TAFA2: variants seen among roughly 807,000 people sequenced by gnomAD.
The protein encoded by TAFA2 is chemokine-like protein TAFA-2.
TAFA2 carries 7 observed loss-of-function variants against 18.8 expected under a neutral mutation model. The ratio of observed to expected loss-of-function variants is 0.37; its 90% confidence interval spans 0.21 to 0.70. TAFA2 has a LOEUF of 0.70. Ranked by LOEUF, TAFA2 falls within the 30% of genes least tolerant of loss-of-function variation. The pLI, the probability that TAFA2 is intolerant of heterozygous loss-of-function variation, is 0.53. For synonymous variants in TAFA2, 60 were observed against 54.2 expected (o/e 1.11, Z -0.47); for missense variants, 122 against 158.1 (o/e 0.77, Z 1.23).
At chr12:62,086,012 C>T (rs560177825) in intron 1 of TAFA2, among the ~76,000 whole-genome samples, 52 of 152,216 alleles carry the variant, frequency 3.4e-4, no homozygotes, top group African/African-American at 1.3e-3. Context: ...TTTCCCTTCT[C>T]CTTCTGCCAT....
intron 1 of TAFA2, among the ~76,000 whole-genome samples, chr12:62,042,778 C>T (rs934487900): frequency 6.6e-6 from 1 of 152,030 alleles, no homozygotes; most frequent in Non-Finnish European, 1.5e-5. Flanking sequence ...CTCATTCCAG[C>T]GGGGTCGCCT....
At chr12:61,923,881 A>C (rs1877164750) in intron 1 of TAFA2, among the ~76,000 whole-genome samples, 1 of 151,868 alleles carries the variant, frequency 6.6e-6, no homozygotes, top group South Asian at 2.1e-4. Flanking sequence ...TAAGCAATTT[A>C]GAGAACATAG....
At chr12:62,096,162 G>T (rs1012469274) in intron 1 of TAFA2, among the ~76,000 whole-genome samples, 2 of 152,042 alleles carry the variant, frequency 1.3e-5, no homozygotes, top group African/African-American at 4.8e-5. Context: ...GGTCTTATCT[G>T]CGTTTGGACT....
intron 1 of TAFA2, among the ~76,000 whole-genome samples, chr12:61,906,387 G>C (rs1381170028): frequency 1.3e-5 from 2 of 152,172 alleles, no homozygotes; most frequent in Non-Finnish European, 2.9e-5. Flanking sequence ...CAATTCCTCT[G>C]CATATGCTCT....
chr12:62,197,417 GC>G (rs2062653522), upstream of TAFA2, among the ~76,000 whole-genome samples: 1 of 152,032 alleles, frequency 6.6e-6, no homozygotes, highest in Non-Finnish European at 1.5e-5. Context: ...TGCACTTCAG[GC>G]TTTTTCTTTT....
chr12:61,920,571 T>C (rs959377828), intron 1 of TAFA2, among the ~76,000 whole-genome samples: 1 of 152,210 alleles, frequency 6.6e-6, no homozygotes, highest in Non-Finnish European at 1.5e-5. Flanking sequence ...AATGTATTGT[T>C]CCTTGTTACG....
intron 1 of TAFA2, among the ~76,000 whole-genome samples, chr12:61,992,498 G>T (rs1880045402): frequency 6.6e-6 from 1 of 151,960 alleles, no homozygotes; most frequent in African/African-American, 2.4e-5. Flanking sequence ...CCCTGCTTCT[G>T]CCCTGCTTTC....
chr12:62,160,844 T>C (rs532111986), intron 1 of TAFA2, among the ~76,000 whole-genome samples: 2 of 152,304 alleles, frequency 1.3e-5, no homozygotes, highest in East Asian at 3.9e-4. Flanking sequence ...TGCCCTGCGA[T>C]GGTCTGGTAT....
At chr12:62,235,412 A>G in intron 1 of TAFA2, 2 of 650,342 alleles carry the variant, frequency 3.1e-6, no homozygotes, top group South Asian at 3.7e-5. Context: ...CATGTTCAAG[A>G]TGGGTGCTGA....
intron 1 of TAFA2, chr12:62,253,815 T>C (rs1209424045): frequency 6.6e-6 from 1 of 152,248 alleles, no homozygotes; most frequent in Non-Finnish European, 1.5e-5. Context: ...TCACAAGTTC[T>C]GGTATTACGA....
At chr12:61,799,653 T>C (rs1364575862) in intron 2 of TAFA2, among the ~76,000 whole-genome samples, 1 of 152,046 alleles carries the variant, frequency 6.6e-6, no homozygotes, top group Non-Finnish European at 1.5e-5. Context: ...AAACCTCGTC[T>C]CTACTAAAAA....
intron 2 of TAFA2, among the ~76,000 whole-genome samples, chr12:61,829,846 G>T (rs996471620): frequency 1.3e-5 from 2 of 151,560 alleles, no homozygotes; most frequent in Non-Finnish European, 3.0e-5. Flanking sequence ...AGAACACAAA[G>T]TACAAAAAGA....
chr12:61,794,000 T>G (rs908886909), intron 2 of TAFA2, among the ~76,000 whole-genome samples: 8 of 151,936 alleles, frequency 5.3e-5, no homozygotes, highest in Non-Finnish European at 1.0e-4. Flanking sequence ...CAATATCTAT[T>G]CATGACTCTA....
intron 2 of TAFA2, among the ~76,000 whole-genome samples, chr12:61,842,034 ATTACTCTAT>A (rs1873207158): frequency 6.6e-6 from 1 of 151,944 alleles, no homozygotes; most frequent in Non-Finnish European, 1.5e-5. Flanking sequence ...TCAGAAAAAT[ATTACTCTAT>A]AAGAAAAATA....
At position 61,826,023 on chromosome 12, in the gene TAFA2, A is replaced by G. The variant is rs564336468; in HGVS notation, c.106+41297T>C. ...TATCCTTTGAGCAATTTTCTGACAT[A>G]CTTTCCATTTCTTAATACAGTACCC... is the stretch of plus-strand genomic sequence containing the variant. On this transcript the variant is annotated intron_variant, in intron 2 of 4. Transcript: ENST00000416284. 4.6e-5 allele frequency among the ~76,000 whole-genome samples: 7 copies of G among 152,246 alleles called. No individual in the cohort carries two copies. The East Asian group carries it at 1.4e-3, about 29-fold the overall frequency.
intron 1 of TAFA2, among the ~76,000 whole-genome samples, chr12:62,000,867 A>G (rs1449470211): frequency 6.6e-6 from 1 of 152,254 alleles, no homozygotes; most frequent in Admixed American, 6.5e-5. Context: ...CAAAGCAGGT[A>G]GGATGGATCT....
chr12:61,962,974 T>C (rs971879322), intron 1 of TAFA2, among the ~76,000 whole-genome samples: 1 of 152,060 alleles, frequency 6.6e-6, no homozygotes, highest in African/African-American at 2.4e-5. Flanking sequence ...GAACATACAG[T>C]GTTTGCTTTT....
At chr12:61,977,858 T>G (rs1213137567) in intron 1 of TAFA2, among the ~76,000 whole-genome samples, 1 of 152,092 alleles carries the variant, frequency 6.6e-6, no homozygotes, top group African/African-American at 2.4e-5. Context: ...TGCCCTCATC[T>G]TCTAATCAGT....
intron 2 of TAFA2, among the ~76,000 whole-genome samples, chr12:61,826,338 C>CTGTGTGTG (rs57736074): frequency 0.046 from 6,824 of 149,088 alleles, 314 homozygotes; most frequent in African/African-American, 0.13. Flanking sequence ...ATTAGTTCAT[C>CTGTGTGTG]TGTGTGTGTG....
Sources: gnomAD v4.1 joint callset for allele counts (sites outside exome capture counted in the v4.1 genomes callset) on GRCh38, gnomAD v4.1.1 for gene constraint, MANE v1.5 for transcripts, NCBI Gene and HGNC (gene_info 2026-07-23, HGNC 2026-07-21) for gene names.